Variants in AAGAB observed in about 807,000 individuals in gnomAD.
AAGAB encodes alpha and gamma adaptin binding protein, also known as alpha- and gamma-adaptin-binding protein p34.
In AAGAB, 38 loss-of-function variants were observed where a neutral mutation model predicts 44.1. That is an observed-to-expected ratio of 0.86 (90% CI 0.67 to 1.13). The LOEUF (loss-of-function observed/expected upper bound fraction) is 1.13. Among genes scored for constraint, AAGAB ranks in the 50% most tolerant of loss-of-function variants. The pLI, the probability that AAGAB is intolerant of heterozygous loss-of-function variation, is 0.00. For missense variants in AAGAB, 450 were observed against 373.8 expected, an observed-to-expected ratio of 1.20 and a Z score of -1.68; for synonymous variants, 131 against 131.8, an observed-to-expected ratio of 0.99 and a Z score of 0.04.
intron 5 of AAGAB, among the ~76,000 whole-genome samples, chr15:67,211,982 C>T (rs1238798048): frequency 6.6e-6 from 1 of 152,048 alleles, no homozygotes; most frequent in African/African-American, 2.4e-5. Context: ...TGGGTTCACA[C>T]CATTCTCCTG....
At chr15:67,226,242 C>T (rs1465447357) in intron 5 of AAGAB, among the ~76,000 whole-genome samples, 2 of 152,080 alleles carry the variant, frequency 1.3e-5, no homozygotes, top group Non-Finnish European at 2.9e-5. Context: ...AGTGATCCTT[C>T]CTGCTTCAGC....
At position 67,235,959 on chromosome 15, in the gene AAGAB, C is replaced by A; in HGVS notation, c.451+20G>T. On this transcript the variant is annotated intron_variant, in intron 4 of 9. Coordinates refer to ENST00000261880, the MANE Select transcript of AAGAB (RefSeq NM_024666.5). Reference sequence around the variant, plus strand: ...CTCATATCTAAGTGCCATATTTTCTCCTAACACATAAACACTTACCATCCT... The same window carrying A: ...CTCATATCTAAGTGCCATATTTTCTACTAACACATAAACACTTACCATCCT... 6.5e-7 allele frequency: 1 copy of A among 1,531,792 alleles called. No individual in the cohort carries two copies. Among genetic ancestry groups the A allele is most frequent in the Non-Finnish European group, 9.0e-7 (1 of 1,115,914 alleles). The allele number at this position is 1,531,792 out of a possible 1,614,324, so 94.9% of individuals were successfully genotyped here.
At chr15:67,235,161 T>C (rs1964431154) in intron 4 of AAGAB, among the ~76,000 whole-genome samples, 1 of 152,182 alleles carries the variant, frequency 6.6e-6, no homozygotes, top group Non-Finnish European at 1.5e-5. Context: ...CTTTTCTAAC[T>C]TCTTCCCCAT....
At chr15:67,203,633 T>C (rs1963618894) in intron 8 of AAGAB, 36 bp from the exon 9 acceptor site, 1 of 1,580,010 alleles carries the variant, frequency 6.3e-7, no homozygotes, top group African/African-American at 1.3e-5. Context: ...ATTTGTCTAA[T>C]AGCACAGGAT....
At chr15:67,244,959 A>G (rs901865663) in intron 1 of AAGAB, among the ~76,000 whole-genome samples, 2 of 152,308 alleles carry the variant, frequency 1.3e-5, no homozygotes, top group East Asian at 3.9e-4. Context: ...ATGAGATACT[A>G]CTTCACATCC....
rs575745822 is a variant in AAGAB at position 67,207,790 on chromosome 15, T to C, written c.715+772A>G. ...AGACTCTGGCAGGTTTAAAAGCCAA[T>C]GGGAAGGATTCAATTGAGAGGCTAA... On this transcript the variant is annotated intron_variant, in intron 7 of 9. Transcript: ENST00000261880. Among the ~76,000 whole-genome samples the C allele has an allele frequency of 3.5e-4, 54 of 152,204 alleles. No homozygotes were observed. The South Asian group carries it at 0.011, about 32-fold the overall frequency.
intron 5 of AAGAB, among the ~76,000 whole-genome samples, chr15:67,217,131 C>T (rs1273250540): frequency 6.6e-6 from 1 of 152,166 alleles, no homozygotes; most frequent in Middle Eastern, 3.2e-3. Flanking sequence ...CACATTTAGA[C>T]AACTGTCAGA....
intron 4 of AAGAB, 66 bp downstream of exon 4, chr15:67,235,913 T>G: frequency 8.1e-7 from 1 of 1,231,980 alleles, no homozygotes. Flanking sequence ...GTGATTCTTC[T>G]TCCCTGAATT....
intron 5 of AAGAB, among the ~76,000 whole-genome samples, chr15:67,212,029 G>A (rs1422067959): frequency 1.3e-5 from 2 of 152,076 alleles, no homozygotes; most frequent in Non-Finnish European, 2.9e-5. Flanking sequence ...ACAGGCGCCC[G>A]CCACCACGCC....
upstream of AAGAB, chr15:67,254,958 G>A (rs1965069525): frequency 1.2e-6 from 2 of 1,611,776 alleles, no homozygotes; most frequent in Admixed American, 1.7e-5. Flanking sequence ...GTGGGAAACG[G>A]GCTTCCCCCG....
intron 5 of AAGAB, chr15:67,221,094 T>C (rs956526766): frequency 1.3e-5 from 2 of 152,244 alleles, no homozygotes; most frequent in African/African-American, 4.8e-5. Flanking sequence ...TCCACACTTA[T>C]TTATTATATT....
chr15:67,217,494 G>A (rs967488746), intron 5 of AAGAB, among the ~76,000 whole-genome samples: 4 of 152,200 alleles, frequency 2.6e-5, no homozygotes, highest in Admixed American at 1.3e-4. Flanking sequence ...TTTCTCAGGA[G>A]AGCAGCCCAA....
chr15:67,205,600 G>A (rs940976512), intron 7 of AAGAB, among the ~76,000 whole-genome samples: 6 of 152,160 alleles, frequency 3.9e-5, no homozygotes, highest in Non-Finnish European at 8.8e-5. Flanking sequence ...GTGAGGCATG[G>A]GAAGAAAATG....
rs1338418510 is a variant in AAGAB at position 67,202,735 on chromosome 15, AT to A, written c.*85del. ...TCAGGCAGCCAACATGATAAGGGCA[AT>A]TTTGGCAAAATATGACTGGGCTGAG... On this transcript the variant is annotated 3_prime_UTR_variant, in exon 10 of 10. Transcript: ENST00000261880. 4.9e-6 allele frequency: 7 copies of A among 1,417,228 alleles called. No homozygotes were observed. Among genetic ancestry groups the A allele is most frequent in the Non-Finnish European group, 7.0e-6 (7 of 1,003,720 alleles). The allele number at this position is 1,417,228 out of a possible 1,614,324, so 87.8% of individuals were successfully genotyped here. A position where few individuals can be genotyped will look rare whatever the true frequency, so the allele number is the denominator to read the frequency against.
intron 5 of AAGAB, among the ~76,000 whole-genome samples, chr15:67,230,555 T>C (rs1027779490): frequency 6.6e-6 from 1 of 152,144 alleles, no homozygotes; most frequent in Non-Finnish European, 1.5e-5. Flanking sequence ...AACAGATCCT[T>C]CCCCGGCACC....
chr15:67,206,451 C>G (rs993358644), intron 7 of AAGAB, among the ~76,000 whole-genome samples: 1 of 152,222 alleles, frequency 6.6e-6, no homozygotes, highest in Non-Finnish European at 1.5e-5. Context: ...TACTTCTCCT[C>G]AAACTTTCAC....
upstream of AAGAB, chr15:67,254,775 G>C: frequency 7.6e-7 from 1 of 1,322,328 alleles, no homozygotes; most frequent in Non-Finnish European, 1.1e-6. Context: ...ACCCCCTTCC[G>C]CTCCCAGCGT....
chr15:67,231,756 A>T, intron 5 of AAGAB, 58 bp downstream of exon 5: 2 of 1,352,028 alleles, frequency 1.5e-6, no homozygotes, highest in Non-Finnish European at 2.1e-6. Flanking sequence ...ATATCTCAAT[A>T]ATTTAAAACT....
chr15:67,236,614 G>C lies in AAGAB; in HGVS notation c.264+16C>G, dbSNP rs375434660. On this transcript the variant is annotated intron_variant, in intron 2 of 9. Coordinates refer to ENST00000261880, the MANE Select transcript of AAGAB (RefSeq NM_024666.5). The stretch of plus-strand genomic sequence containing the variant: ...ATAATTTCTTATTCAAGCCTTCATA[G>C]AAAACAAAGTCTTACTTGTGTGCTG... The C allele has an allele frequency of 8.1e-6, 13 of 1,609,708 alleles. No individual in the cohort carries two copies. The highest frequency in any genetic ancestry group is 1.1e-5 in the South Asian group (1 of 90,388).
Sources: allele counts gnomAD v4.1 joint callset (sites outside exome capture counted in the v4.1 genomes callset), GRCh38; gene constraint gnomAD v4.1.1; transcripts MANE v1.5; gene names NCBI Gene and HGNC (gene_info 2026-07-23, HGNC 2026-07-21).